Variants in KIAA1217 observed in about 807,000 individuals in gnomAD.
KIAA1217 encodes the protein sickle tail protein homolog.
KIAA1217 carries 88 observed loss-of-function variants against 163.9 expected under a neutral mutation model. That is an observed-to-expected ratio of 0.54 (90% CI 0.45 to 0.64). The LOEUF (loss-of-function observed/expected upper bound fraction) is 0.64, where lower values mean the gene tolerates loss of function less well. KIAA1217 is among the 30% of genes least tolerant of loss of function. The pLI is 0.00. For synonymous variants in KIAA1217, 903 were observed against 923.1 expected, an observed-to-expected ratio of 0.98 and a Z score of 0.39; for missense variants, 2,372 against 2,475.0, an observed-to-expected ratio of 0.96 and a Z score of 0.88.
At chr10:24,538,268 C>T (rs558473893) in intron 17 of KIAA1217, among the ~76,000 whole-genome samples, 33 of 152,236 alleles carry the variant, frequency 2.2e-4, no homozygotes, top group Admixed American at 1.1e-3. Context: ...TGGCTCATAA[C>T]CACCACGGCA....
intron 2 of KIAA1217, among the ~76,000 whole-genome samples, chr10:24,320,347 T>C (rs1279866442): frequency 6.6e-6 from 1 of 152,258 alleles, no homozygotes; most frequent in Non-Finnish European, 1.5e-5. Context: ...GTGTGCCTGA[T>C]GCTGATTACT....
chr10:24,453,652 T>G (rs2061553412), intron 5 of KIAA1217, among the ~76,000 whole-genome samples: 1 of 152,256 alleles, frequency 6.6e-6, no homozygotes, highest in Non-Finnish European at 1.5e-5. Context: ...GCAGTTATGC[T>G]GTTTGAAATG....
chr10:23,810,982 A>AGT (rs1212731423), intron 1 of KIAA1217, among the ~76,000 whole-genome samples: 3 of 121,232 alleles, frequency 2.5e-5, no homozygotes, highest in African/African-American at 6.5e-5. Flanking sequence ...TATATACTAT[A>AGT]GTATATATAC....
chr10:24,232,354 T>C (rs1344241748), intron 2 of KIAA1217, among the ~76,000 whole-genome samples: 4 of 152,190 alleles, frequency 2.6e-5, no homozygotes, highest in African/African-American at 9.6e-5. Flanking sequence ...GCCACCAACC[T>C]CAGCATTAGC....
chr10:24,204,284 C>T (rs1421142755), upstream of KIAA1217, among the ~76,000 whole-genome samples: 1 of 152,054 alleles, frequency 6.6e-6, no homozygotes, highest in African/African-American at 2.4e-5. Flanking sequence ...GATTGGTTAC[C>T]CTCTGGAGAG....
chr10:23,949,279 A>T (rs1374720970), intron 1 of KIAA1217, among the ~76,000 whole-genome samples: 1 of 152,208 alleles, frequency 6.6e-6, no homozygotes, highest in African/African-American at 2.4e-5. Flanking sequence ...AAAAGCAAAG[A>T]AGCCATGAAA....
chr10:24,335,522 G>A (rs1000115085), intron 2 of KIAA1217, among the ~76,000 whole-genome samples: 14 of 151,714 alleles, frequency 9.2e-5, no homozygotes, highest in African/African-American at 2.9e-4. Context: ...ATGATGGCAC[G>A]AGCCTGTGAA....
chr10:23,810,392 T>G (rs921590517), intron 1 of KIAA1217, among the ~76,000 whole-genome samples: 3 of 145,458 alleles, frequency 2.1e-5, no homozygotes, highest in African/African-American at 7.5e-5. Flanking sequence ...ATACTATATA[T>G]ATATACTCTC....
intron 1 of KIAA1217, among the ~76,000 whole-genome samples, chr10:23,912,022 T>G (rs982015455): frequency 2.0e-5 from 3 of 152,146 alleles, no homozygotes; most frequent in African/African-American, 7.2e-5. Context: ...CTCGTTGACA[T>G]GCACCCCTTC....
At chr10:23,877,689 G>A (rs1476785989) in intron 1 of KIAA1217, among the ~76,000 whole-genome samples, 1 of 151,938 alleles carries the variant, frequency 6.6e-6, no homozygotes, top group Non-Finnish European at 1.5e-5. Flanking sequence ...CTCTTTGATA[G>A]CTTCTGAATA....
intron 5 of KIAA1217, among the ~76,000 whole-genome samples, chr10:24,448,244 C>G (rs931543879): frequency 3.4e-5 from 5 of 145,684 alleles, no homozygotes; most frequent in African/African-American, 1.2e-4. Context: ...CCTTTTTTTG[C>G]GTGGGGGGGG....
At chr10:24,145,684 G>C (rs1035778834) in intron 2 of KIAA1217, among the ~76,000 whole-genome samples, 2 of 152,224 alleles carry the variant, frequency 1.3e-5, no homozygotes, top group East Asian at 3.8e-4. Flanking sequence ...AAGTAGGGAA[G>C]CCAACAATGC....
intron 3 of KIAA1217, among the ~76,000 whole-genome samples, chr10:24,402,652 T>C (rs1274005184): frequency 6.6e-6 from 1 of 152,126 alleles, no homozygotes; most frequent in Non-Finnish European, 1.5e-5. Flanking sequence ...ATCAGGACTT[T>C]GTAGTATTGG....
At chr10:23,834,811 G>T (rs933086708) in intron 1 of KIAA1217, among the ~76,000 whole-genome samples, 1 of 152,164 alleles carries the variant, frequency 6.6e-6, no homozygotes, top group African/African-American at 2.4e-5. Flanking sequence ...TTACTAAGAT[G>T]GTGAGGACTG....
At chr10:23,845,575 G>A (rs1396249936) in intron 1 of KIAA1217, among the ~76,000 whole-genome samples, 1 of 152,054 alleles carries the variant, frequency 6.6e-6, no homozygotes, top group Non-Finnish European at 1.5e-5. Flanking sequence ...CCAACTTTTT[G>A]ATGGTTTTTT....
chr10:24,382,779 G>A (rs2053475221), intron 3 of KIAA1217, among the ~76,000 whole-genome samples: 1 of 151,836 alleles, frequency 6.6e-6, no homozygotes, highest in Non-Finnish European at 1.5e-5. Context: ...GATGACACAG[G>A]CTTCCACACC....
chr10:24,212,398 T>G (rs2068254371), intron 1 of KIAA1217, among the ~76,000 whole-genome samples: 1 of 152,132 alleles, frequency 6.6e-6, no homozygotes, highest in Non-Finnish European at 1.5e-5. Context: ...TGACTACAAT[T>G]TGGATATTAA....
chr10:24,087,684 GC>G (rs1257788917), intron 2 of KIAA1217, among the ~76,000 whole-genome samples: 1 of 152,170 alleles, frequency 6.6e-6, no homozygotes, highest in Non-Finnish European at 1.5e-5. Flanking sequence ...AATACCATTT[GC>G]AAAGGCCATT....
chr10:24,077,265 G>C (rs1473037198), intron 2 of KIAA1217, among the ~76,000 whole-genome samples: 2 of 152,076 alleles, frequency 1.3e-5, no homozygotes, highest in Non-Finnish European at 2.9e-5. Context: ...GTGATTAGCT[G>C]CACAGATCAT....
Sources: allele counts gnomAD v4.1 joint callset (sites outside exome capture counted in the v4.1 genomes callset), GRCh38; gene constraint gnomAD v4.1.1; transcripts MANE v1.5; gene names NCBI Gene and HGNC (gene_info 2026-07-23, HGNC 2026-07-21).